Variants in ZNF670 observed in about 807,000 individuals in gnomAD.
ZNF670 encodes zinc finger protein 670.
A neutral mutation model predicts 10.9 loss-of-function variants in ZNF670; 7 were observed. The ratio of observed to expected loss-of-function variants is 0.64; its 90% confidence interval spans 0.36 to 1.20. The LOEUF (loss-of-function observed/expected upper bound fraction) is 1.20, where lower values mean the gene tolerates loss of function less well. Among genes scored for constraint, ZNF670 ranks in the 50% most tolerant of loss-of-function variants. The probability of loss-of-function intolerance (pLI) is 0.02; values close to 1 mark genes in which losing one functional copy is unlikely to be tolerated. For synonymous variants in ZNF670, 136 were observed against 152.7 expected (o/e 0.89, Z 0.81); for missense variants, 446 against 458.6 (o/e 0.97, Z 0.25).
chr1:247,049,193 G>A (rs1388509709), intron 1 of ZNF670, among the ~76,000 whole-genome samples: 1 of 151,130 alleles, frequency 6.6e-6, no homozygotes, highest in African/African-American at 2.4e-5. Flanking sequence ...CCACCTGCCG[G>A]GTTAAGTGAT....
At chr1:247,069,936 C>A (rs2103071271) in intron 1 of ZNF670, among the ~76,000 whole-genome samples, 1 of 152,192 alleles carries the variant, frequency 6.6e-6, no homozygotes, top group South Asian at 2.1e-4. Flanking sequence ...TGTGACAGCA[C>A]AACAGGATGA....
chr1:247,038,273 A>T lies in ZNF670; in HGVS notation c.346T>A (p.Ser116Thr), dbSNP rs1670215018. ...SVCGKVFICH[S>T]ALHRHILSHI... ...GACAGGATGTGCCTATGAAGGGCTG[A>T]ATGACATATGAAGACTTTTCCACAC... Residue 116 changes from serine (S) to threonine (T), a missense_variant, in exon 4 of 4, where the codon TCA becomes ACA. By Grantham distance (58) the Ser-to-Thr change is moderately conservative. Transcript: ENST00000366503. 1.2e-6 allele frequency: 2 copies of T among 1,614,196 alleles called. No individual in the cohort carries two copies. The highest frequency in any genetic ancestry group is 3.3e-5 in the Admixed American group (2 of 60,028).
intron 1 of ZNF670, among the ~76,000 whole-genome samples, chr1:247,041,980 AAC>A (rs1263320034): frequency 1.3e-5 from 2 of 152,248 alleles, no homozygotes; most frequent in African/African-American, 4.8e-5. Flanking sequence ...TCTAGGTGGG[AAC>A]CATCAGAAAA....
At position 247,048,593 on chromosome 1, in the gene ZNF670, A is replaced by G. The variant is rs1255263614; in HGVS notation, c.4-9056T>C. Among the ~76,000 whole-genome samples the G allele has an allele frequency of 7.2e-5, 11 of 152,314 alleles. No homozygotes were observed. The East Asian group carries it at 2.1e-3, about 29-fold the overall frequency. On this transcript the variant is annotated intron_variant, in intron 1 of 3. Transcript: ENST00000366503. The stretch of plus-strand genomic sequence containing the variant: ...CACCACCCCACTCTCTACAGTACCA[A>G]CTTACTGTATTAGTCCATTCTCACA...
chr1:247,065,208 A>G (rs1670953866), intron 1 of ZNF670, among the ~76,000 whole-genome samples: 1 of 152,260 alleles, frequency 6.6e-6, no homozygotes, highest in African/African-American at 2.4e-5. Context: ...AATATTGCAT[A>G]AAGGAGTTAC....
intron 1 of ZNF670, among the ~76,000 whole-genome samples, chr1:247,046,411 A>G (rs1043473258): frequency 6.6e-6 from 1 of 152,206 alleles, no homozygotes; most frequent in Non-Finnish European, 1.5e-5. Flanking sequence ...CTTGCATTCC[A>G]GTAGCTCTGG....
Position 247,039,540 on chromosome 1 carries a change from A to C in ZNF670, c.4-3T>G. 6.3e-7 allele frequency: 1 copy of C among 1,583,110 alleles called. No homozygotes were observed. Among genetic ancestry groups the C allele is most frequent in the Non-Finnish European group, 8.6e-7 (1 of 1,168,412 alleles). On this transcript the variant is annotated splice_polypyrimidine_tract_variant and splice_region_variant and intron_variant, in intron 1 of 3. Transcript: ENST00000366503. ...ACATCTTCAAATGACACTGAATCCT[A>C]GAATATCGCACATATGTGGAGAGGA...
chr1:247,042,944 GACATT>G, intron 1 of ZNF670: 1 of 692,532 alleles, frequency 1.4e-6, no homozygotes, highest in Non-Finnish European at 2.7e-6. Flanking sequence ...ATTGAAAGAT[GACATT>G]ACATTCGATA....
intron 1 of ZNF670, among the ~76,000 whole-genome samples, chr1:247,077,101 A>G (rs190077223): frequency 1.8e-3 from 278 of 152,348 alleles, no homozygotes; most frequent in African/African-American, 6.4e-3. Context: ...AATCATTTCT[A>G]GATTTTTCCC....
chr1:247,065,356 A>T (rs1476921043), intron 1 of ZNF670, among the ~76,000 whole-genome samples: 2 of 152,222 alleles, frequency 1.3e-5, no homozygotes, highest in Admixed American at 6.5e-5. Context: ...GCAGCCCCAG[A>T]AGTGATGAGT....
rs188839638 is a variant in ZNF670 at position 247,071,009 on chromosome 1, C to T, written c.3+7585G>A. ...TTGCAGAGAAAAGGGAATGCTTACA[C>T]GCTGCTGGAGGGGATGTAAATTAGT... On this transcript the variant is annotated intron_variant, in intron 1 of 3. Transcript: ENST00000366503. 2.7e-3 allele frequency among the ~76,000 whole-genome samples: 413 copies of T among 152,306 alleles called. 2 individuals carry two copies. The highest frequency in any genetic ancestry group is 8.5e-3 in the African/African-American group (355 of 41,572).
At position 247,037,550 on chromosome 1, in the gene ZNF670, T is replaced by C; in HGVS notation, c.1069A>G (p.Arg357Gly). ...TSSSALRSHE[R>G]THTGEKPYEC... ...TAGGGTTTTTCTCCAGTATGAGTCC[T>C]TTCATGGCTTCGAAGGGCACTGGAA... Residue 357 changes from arginine to glycine, a missense_variant, in exon 4 of 4, where the codon AGG becomes GGG. Coordinates refer to ENST00000366503, the MANE Select transcript of ZNF670 (RefSeq NM_033213.5). 1 of 1,614,174 alleles carries C rather than the reference T, an allele frequency of 6.2e-7. No individual in the cohort carries two copies. Among genetic ancestry groups the C allele is most frequent in the Non-Finnish European group, 8.5e-7 (1 of 1,180,004 alleles).
intron 1 of ZNF670, among the ~76,000 whole-genome samples, chr1:247,076,692 C>A (rs1671263424): frequency 2.1e-5 from 3 of 143,948 alleles, no homozygotes; most frequent in Non-Finnish European, 4.6e-5. Context: ...ACTGAGTCTC[C>A]CTCTGTCACC....
chr1:247,048,131 A>C (rs748620269), intron 1 of ZNF670, among the ~76,000 whole-genome samples: 1 of 152,216 alleles, frequency 6.6e-6, no homozygotes, highest in African/African-American at 2.4e-5. Flanking sequence ...TCTTTTAAAC[A>C]TAAGTTTCAA....
rs1670137904 is a variant in ZNF670 at position 247,035,855 on chromosome 1, C to CT, written c.*1593dup. On this transcript the variant is annotated 3_prime_UTR_variant, in exon 4 of 4. Transcript: ENST00000366503. ...GAACGGAAGTGCTTTGGATTTCAGA[C>CT]TTTTAACATTTTGGAATATTTGCAG... Among the ~76,000 whole-genome samples, 1 of 152,166 alleles carries CT rather than the reference C, an allele frequency of 6.6e-6. No homozygotes were observed. The highest frequency in any genetic ancestry group is 1.5e-5 in the Non-Finnish European group (1 of 68,026).
At chr1:247,043,019 A>C in intron 1 of ZNF670, 1 of 829,938 alleles carries the variant, frequency 1.2e-6, no homozygotes, top group South Asian at 1.4e-5. Flanking sequence ...AATCCATACA[A>C]GATTGATATA....
intron 1 of ZNF670, among the ~76,000 whole-genome samples, chr1:247,051,990 ATTTTTT>A (rs146107156): frequency 1.6e-5 from 2 of 128,260 alleles, no homozygotes; most frequent in Non-Finnish European, 1.7e-5. Context: ...CATGTCCTGT[ATTTTTT>A]TTTTTTTTTT....
intron 1 of ZNF670, among the ~76,000 whole-genome samples, chr1:247,046,840 T>C (rs166643): frequency 0.59 from 89,620 of 152,140 alleles, 29,582 homozygotes; most frequent in African/African-American, 0.89. Context: ...ATGGGCTGCA[T>C]CCAGCAAAGC....
At chr1:247,071,861 C>CTTTT (rs1230431011) in intron 1 of ZNF670, among the ~76,000 whole-genome samples, 5 of 138,974 alleles carry the variant, frequency 3.6e-5, no homozygotes, top group Non-Finnish European at 3.2e-5. Context: ...TTCTTTCTTT[C>CTTTT]TTTTTTTTTT....
Sources: gnomAD v4.1 joint callset for allele counts (sites outside exome capture counted in the v4.1 genomes callset) on GRCh38, gnomAD v4.1.1 for gene constraint, MANE v1.5 for transcripts, NCBI Gene and HGNC (gene_info 2026-07-23, HGNC 2026-07-21) for gene names.